RTTN: variants seen among roughly 807,000 people sequenced by gnomAD.
The protein encoded by RTTN is rotatin.
In RTTN, 182 loss-of-function variants were observed where a neutral mutation model predicts 269.2. That is an observed-to-expected ratio of 0.68 (90% confidence interval 0.60 to 0.76). The LOEUF (loss-of-function observed/expected upper bound fraction) is 0.76. Among genes scored for constraint, RTTN ranks in the 30% least tolerant of loss-of-function variants. The pLI is 0.00. For missense variants in RTTN, 2,545 were observed against 2,608.6 expected (o/e 0.98, Z 0.53); for synonymous variants, 1,006 against 963.5 (o/e 1.04, Z -0.82).
chr18:70,011,609 A>G (rs537158006), intron 46 of RTTN, among the ~76,000 whole-genome samples: 1 of 152,382 alleles, frequency 6.6e-6, no homozygotes, highest in East Asian at 1.9e-4. Flanking sequence ...AGAGCTATTT[A>G]TGACAAACCC....
At chr18:70,086,964 C>T (rs1297057227) in intron 31 of RTTN, among the ~76,000 whole-genome samples, 2 of 151,872 alleles carry the variant, frequency 1.3e-5, no homozygotes, top group Non-Finnish European at 2.9e-5. Context: ...CAGAATTCAG[C>T]TTTATTAAAA....
At chr18:70,138,149 G>C (rs1407191962) in intron 21 of RTTN, 1 of 152,278 alleles carries the variant, frequency 6.6e-6, no homozygotes, top group African/African-American at 2.4e-5. Context: ...CATGGTGGCA[G>C]GCACCTGTAA....
intron 35 of RTTN, among the ~76,000 whole-genome samples, chr18:70,060,448 CTATTTTTAT>C (rs2057949277): frequency 6.6e-6 from 1 of 151,850 alleles, no homozygotes; most frequent in Admixed American, 6.6e-5. Flanking sequence ...TAAAATCTTA[CTATTTTTAT>C]TATTTTTAAA....
chr18:70,096,076 G>A (rs924423433), intron 28 of RTTN, among the ~76,000 whole-genome samples: 1 of 148,052 alleles, frequency 6.8e-6, no homozygotes, highest in Admixed American at 6.7e-5. Context: ...CCTTTCTTCT[G>A]ATTCATCGAT....
At position 70,075,415 on chromosome 18, in the gene RTTN, G is replaced by A. The variant is rs374256500; in HGVS notation, c.4501C>T (p.Arg1501Trp). The A allele has an allele frequency of 9.1e-5, 146 of 1,605,706 alleles. No individual in the cohort carries two copies. The highest frequency in any genetic ancestry group is 2.2e-4 in the African/African-American group (16 of 74,290). The change falls in exon 33 of 49, where the codon CGG becomes TGG. Residue 1501 changes from arginine to tryptophan, a missense_variant. By Grantham distance (101) the Arg-to-Trp change is moderately radical (BLOSUM62 -3). Coordinates refer to ENST00000640769, the MANE Select transcript of RTTN (RefSeq NM_173630.4). ...NQMVKHCYLG[R>W]CMFDLNFSAF... ...GAAAAATTCAAATCAAACATACACC[G>A]TCCTAGGTAACAATGCTTTACCATC... is the stretch of plus-strand genomic sequence containing the variant.
intron 25 of RTTN, among the ~76,000 whole-genome samples, 192 bp from the exon 26 acceptor site, chr18:70,121,892 G>A (rs1390051345): frequency 6.6e-6 from 1 of 151,990 alleles, no homozygotes. Context: ...GCTTATAGTG[G>A]AAAAAACATG....
intron 22 of RTTN, 44 bp from the exon 23 acceptor site, chr18:70,134,585 G>T (rs2060077648): frequency 4.2e-6 from 6 of 1,418,028 alleles, no homozygotes; most frequent in East Asian, 2.3e-5. Flanking sequence ...CAACTGAGTA[G>T]ACCAAGTTTT....
At chr18:70,092,555 T>TA in intron 29 of RTTN, 121 bp downstream of exon 29, 1 of 1,126,560 alleles carries the variant, frequency 8.9e-7, no homozygotes, top group Non-Finnish European at 1.2e-6. Context: ...TCACGTTACC[T>TA]AAAAAGAAAA....
At chr18:70,119,672 C>T (rs2059687772) in intron 26 of RTTN, among the ~76,000 whole-genome samples, 1 of 152,208 alleles carries the variant, frequency 6.6e-6, no homozygotes, top group African/African-American at 2.4e-5. Flanking sequence ...CACACACGCA[C>T]CTCTACAATT....
chr18:70,052,248 G>A (rs1204422769), intron 38 of RTTN, among the ~76,000 whole-genome samples: 3 of 152,072 alleles, frequency 2.0e-5, no homozygotes, highest in African/African-American at 7.2e-5. Context: ...TTTATAGGAC[G>A]TTAACCCCGA....
At chr18:70,092,333 T>C in intron 29 of RTTN, 113 bp from the exon 30 acceptor site, 2 of 746,512 alleles carry the variant, frequency 2.7e-6, no homozygotes, top group Non-Finnish European at 4.3e-6. Context: ...TATTTTAGAC[T>C]TGGTTTTAAT....
chr18:70,191,492 T>C (rs186648974), intron 8 of RTTN, among the ~76,000 whole-genome samples: 1 of 152,286 alleles, frequency 6.6e-6, no homozygotes, highest in African/African-American at 2.4e-5. Context: ...TCATGGGAAA[T>C]GTATTACTTC....
At chr18:70,041,203 C>T (rs1555701410) in intron 40 of RTTN, among the ~76,000 whole-genome samples, 2 of 151,264 alleles carry the variant, frequency 1.3e-5, no homozygotes, top group East Asian at 1.9e-4. Flanking sequence ...GAGTGAGACT[C>T]TGTCTCAAAA....
intron 44 of RTTN, 105 bp downstream of exon 44, chr18:70,024,617 G>T: frequency 9.5e-7 from 1 of 1,057,538 alleles, no homozygotes; most frequent in Non-Finnish European, 1.4e-6. Context: ...CAATAAATCA[G>T]AGAAATACTT....
chr18:70,076,819 GTTTATTAACCAAGGTA>G, intron 32 of RTTN, among the ~76,000 whole-genome samples: 1 of 152,056 alleles, frequency 6.6e-6, no homozygotes, highest in East Asian at 1.9e-4. Flanking sequence ...TGTGGCTCCT[GTTTATTAACCAAGGTA>G]TATGTTACAG....
intron 18 of RTTN, 56 bp from the exon 19 acceptor site, chr18:70,142,443 C>A: frequency 1.0e-6 from 1 of 996,960 alleles, no homozygotes; most frequent in Non-Finnish European, 1.5e-6. Context: ...TCCAATTCTC[C>A]AATAAGATTT....
In RTTN at chr18:70,166,954, C is replaced by T. The variant is rs758337001; in HGVS notation, c.1767G>A (p.Pro589=). The T allele has an allele frequency of 4.3e-6, 7 of 1,612,794 alleles. No homozygotes were observed. In the Admixed American group the frequency reaches 5.0e-5, roughly 12 times the overall value. Residue 589 remains proline (P), a synonymous_variant, in exon 13 of 49, where the codon CCG becomes CCA. Transcript: ENST00000640769. The part of the protein sequence containing the change: ...LRSFSYHQHF[P]LIKEIISICS... Reference sequence around the variant, plus strand: ...AAATGCTGATGATTTCCTTTATTAGCGGGAAATGCTGATGATAGGAAAAGC... The same window carrying T: ...AAATGCTGATGATTTCCTTTATTAGTGGGAAATGCTGATGATAGGAAAAGC...
rs751953754 is a variant in RTTN at position 70,005,311 on chromosome 18, T to C, written c.6526-44A>G. On this transcript the variant is annotated intron_variant, in intron 47 of 48. Coordinates refer to ENST00000640769, the MANE Select transcript of RTTN (RefSeq NM_173630.4). ...TAGGTTTCTTGCCATGTGTTATGGA[T>C]CATGATAGCAAAACACTAATTCTGC... The C allele has an allele frequency of 7.1e-6, 10 of 1,398,720 alleles. No individual in the cohort carries two copies. In the East Asian group the frequency reaches 2.3e-4, roughly 32 times the overall value. The allele number at this position is 1,398,720 out of a possible 1,614,324, so 86.6% of individuals were successfully genotyped here.
intron 40 of RTTN, among the ~76,000 whole-genome samples, chr18:70,038,405 G>A (rs2057240543): frequency 6.6e-6 from 1 of 152,184 alleles, no homozygotes; most frequent in South Asian, 2.1e-4. Context: ...AGGCTGCTCA[G>A]TATATAGAGA....
Sources: gnomAD v4.1 joint callset for allele counts (sites outside exome capture counted in the v4.1 genomes callset) on GRCh38, gnomAD v4.1.1 for gene constraint, MANE v1.5 for transcripts, NCBI Gene and HGNC (gene_info 2026-07-23, HGNC 2026-07-21) for gene names.